PARD3B: variants seen among roughly 807,000 people sequenced by gnomAD.
PARD3B encodes the protein partitioning defective 3 homolog B.
A neutral mutation model predicts 130.2 loss-of-function variants in PARD3B; 103 were observed. The ratio of observed to expected loss-of-function variants is 0.79; its 90% CI spans 0.67 to 0.93. The LOEUF is 0.93. PARD3B is among the 40% of genes least tolerant of loss of function. PARD3B has a pLI of 0.00. For synonymous variants in PARD3B, 583 were observed against 553.2 expected (o/e 1.05, Z -0.76); for missense variants, 1,609 against 1,499.2 (o/e 1.07, Z -1.21).
chr2:205,312,075 G>C (rs1374113020), intron 18 of PARD3B, among the ~76,000 whole-genome samples: 2 of 152,182 alleles, frequency 1.3e-5, no homozygotes, highest in Non-Finnish European at 2.9e-5. Flanking sequence ...CATGACATCT[G>C]TCATACATTT....
intron 15 of PARD3B, among the ~76,000 whole-genome samples, chr2:205,218,571 T>C (rs1260539754): frequency 2.6e-5 from 4 of 152,310 alleles, no homozygotes; most frequent in Non-Finnish European, 2.9e-5. Context: ...AATTAACTCA[T>C]AGGCAAATAA....
chr2:204,709,426 CAT>C (rs908356260), intron 2 of PARD3B, among the ~76,000 whole-genome samples: 33 of 152,342 alleles, frequency 2.2e-4, no homozygotes, highest in African/African-American at 6.3e-4. Flanking sequence ...TAAATTAACT[CAT>C]GTGGAAAGAA....
At position 205,260,374 on chromosome 2, in the gene PARD3B, G is replaced by C. The variant is rs142171325; in HGVS notation, c.2185+14552G>C. 3.2e-3 allele frequency among the ~76,000 whole-genome samples: 494 copies of C among 152,218 alleles called. 3 individuals are homozygous for C. Among genetic ancestry groups the C allele is most frequent in the African/African-American group, 0.011 (470 of 41,546 alleles). On this transcript the variant is annotated intron_variant, in intron 16 of 22. Transcript: ENST00000406610. The stretch of plus-strand genomic sequence containing the variant: ...TTTCAGATTTTGGATTGTTGGAATA[G>C]GGATGTACAACCTGGACTAATTTCT...
rs1222392463 is a variant in PARD3B at position 205,568,144 on chromosome 2, T to A, written c.3260+14741T>A. ...CAGAAGTGCTGCAGTGATGGGGGTG[T>A]GGGGGCAGTCTGCTGCCACAACTAA... is the stretch of plus-strand genomic sequence containing the variant. On this transcript the variant is annotated intron_variant, in intron 22 of 22. Transcript: ENST00000406610. The surrounding 1 kb of genome is among the most constrained non-coding windows in gnomAD (Gnocchi z 5.3). 2.6e-5 allele frequency among the ~76,000 whole-genome samples: 4 copies of A among 152,262 alleles called. No homozygotes were observed. The highest frequency in any genetic ancestry group is 9.6e-5 in the African/African-American group (4 of 41,544).
In PARD3B at chr2:205,269,349, T is replaced by G. The variant is rs2040629643; in HGVS notation, c.2185+23527T>G. ...TTAAATAGACTTATTTCAAACTGTTTCCCAATTTCAATTTATTCATCCTTT... is the reference window on the plus strand; with the variant it reads ...TTAAATAGACTTATTTCAAACTGTTGCCCAATTTCAATTTATTCATCCTTT... On this transcript the variant is annotated intron_variant, in intron 16 of 22. Transcript: ENST00000406610. The surrounding 1 kb of genome is among the most constrained non-coding windows in gnomAD (Gnocchi z 4.7). Among the ~76,000 whole-genome samples, 1 of 152,176 alleles carries G rather than the reference T, an allele frequency of 6.6e-6. No homozygotes were observed. The highest frequency in any genetic ancestry group is 1.5e-5 in the Non-Finnish European group (1 of 68,020).
intron 2 of PARD3B, among the ~76,000 whole-genome samples, chr2:204,704,577 A>G (rs995200775): frequency 2.0e-5 from 3 of 152,224 alleles, no homozygotes; most frequent in African/African-American, 7.2e-5. Context: ...TTTGACTGGC[A>G]TGAAGATTTT....
At chr2:205,209,830 C>T (rs2037525903) in intron 15 of PARD3B, among the ~76,000 whole-genome samples, 1 of 151,714 alleles carries the variant, frequency 6.6e-6, no homozygotes, top group Non-Finnish European at 1.5e-5. Context: ...TGAATAAGGC[C>T]TAGTATTTGA....
intron 10 of PARD3B, among the ~76,000 whole-genome samples, chr2:205,134,423 C>T (rs2032297632): frequency 6.6e-6 from 1 of 151,904 alleles, no homozygotes; most frequent in South Asian, 2.1e-4. Flanking sequence ...ACTTGGTAGG[C>T]TGAGGCAGGA....
chr2:204,786,153 G>T (rs924732386), intron 2 of PARD3B, among the ~76,000 whole-genome samples: 1 of 149,388 alleles, frequency 6.7e-6, no homozygotes, highest in Non-Finnish European at 1.5e-5. Context: ...TGAAACCAAC[G>T]AATCGCTATT....
In PARD3B at chr2:205,421,977, A is replaced by G. The variant is rs1295926496; in HGVS notation, c.2742-18393A>G. Among the ~76,000 whole-genome samples, 3 of 152,200 alleles carry G rather than the reference A, an allele frequency of 2.0e-5. No homozygotes were observed. The highest frequency in any genetic ancestry group is 7.2e-5 in the African/African-American group (3 of 41,450). On this transcript the variant is annotated intron_variant, in intron 19 of 22. Transcript: ENST00000406610. This position sits in a 1 kb window ranked among gnomAD's most constrained non-coding sequence, Gnocchi z 5.1. ...CTGTCTGCCAGGCACTGTGCTAGAT[A>G]TTGGAGTTCTATCAATAGACAAGTC...
intron 16 of PARD3B, among the ~76,000 whole-genome samples, chr2:205,257,322 C>A (rs1488570749): frequency 7.0e-6 from 1 of 143,406 alleles, no homozygotes; most frequent in African/African-American, 2.7e-5. Context: ...CTTTTATTAG[C>A]CAATCAGTTT....
At chr2:204,813,226 T>C (rs2043026588) in intron 2 of PARD3B, among the ~76,000 whole-genome samples, 1 of 152,198 alleles carries the variant, frequency 6.6e-6, no homozygotes, top group Non-Finnish European at 1.5e-5. Flanking sequence ...AGTTAATCTT[T>C]TTAATTTTAG....
chr2:204,705,789 G>A (rs2125286761), intron 2 of PARD3B, among the ~76,000 whole-genome samples: 1 of 152,284 alleles, frequency 6.6e-6, no homozygotes, highest in South Asian at 2.1e-4. Context: ...GCAGTGAAGT[G>A]TGTGGAGGCA....
At chr2:205,348,704 T>C (rs1323615850) in intron 18 of PARD3B, among the ~76,000 whole-genome samples, 1 of 152,228 alleles carries the variant, frequency 6.6e-6, no homozygotes, top group East Asian at 1.9e-4. Flanking sequence ...GGGAATTTTA[T>C]TCCTCCAGAA....
intron 21 of PARD3B, among the ~76,000 whole-genome samples, chr2:205,502,090 A>G (rs981274067): frequency 1.3e-5 from 2 of 152,178 alleles, no homozygotes; most frequent in African/African-American, 4.8e-5. Context: ...TTAGAATCTC[A>G]GCATCCTTTC....
intron 3 of PARD3B, among the ~76,000 whole-genome samples, chr2:205,018,891 G>A (rs1696375908): frequency 6.6e-6 from 1 of 151,942 alleles, no homozygotes; most frequent in Non-Finnish European, 1.5e-5. Flanking sequence ...CTAGCTCTAA[G>A]CAGCTAAGAT....
intron 2 of PARD3B, among the ~76,000 whole-genome samples, chr2:204,798,944 A>C (rs756178254): frequency 6.6e-6 from 1 of 152,004 alleles, no homozygotes; most frequent in Non-Finnish European, 1.5e-5. Context: ...GGTGTAGCCC[A>C]GCGCATTCCC....
At chr2:204,618,699 C>T (rs1225273329) in intron 1 of PARD3B, among the ~76,000 whole-genome samples, 1 of 152,102 alleles carries the variant, frequency 6.6e-6, no homozygotes, top group East Asian at 1.9e-4. Context: ...ATTAAGGCAG[C>T]CAGAGTTGCT....
At chr2:204,777,383 C>T (rs115416289) in intron 2 of PARD3B, among the ~76,000 whole-genome samples, 4,430 of 152,084 alleles carry the variant, frequency 0.029, 116 homozygotes, top group East Asian at 0.16. Flanking sequence ...CTGTGGGGGT[C>T]AAGGAGTCAG....
Sources: gnomAD v4.1 joint callset for allele counts (sites outside exome capture counted in the v4.1 genomes callset) on GRCh38, gnomAD v4.1.1 for gene constraint, Gnocchi (gnomAD v3.1) non-coding constraint, MANE v1.5 for transcripts, NCBI Gene and HGNC (gene_info 2026-07-23, HGNC 2026-07-21) for gene names.